Variants in ARAP2 observed in about 807,000 individuals in gnomAD.
The protein encoded by ARAP2 is ArfGAP with RhoGAP domain, ankyrin repeat and PH domain 2, also known as arf-GAP with Rho-GAP domain, ANK repeat and PH domain-containing protein 2.
A neutral mutation model predicts 194.5 loss-of-function variants in ARAP2; 148 were observed. The observed-to-expected ratio is 0.76, with a 90% CI of 0.67 to 0.87. ARAP2 has a LOEUF of 0.87. Ranked by LOEUF, ARAP2 falls within the 40% of genes least tolerant of loss-of-function variation. The probability of loss-of-function intolerance (pLI) is 0.00; values close to 1 mark genes in which losing one functional copy is unlikely to be tolerated. For missense variants in ARAP2, 2,128 were observed against 1,989.7 expected (o/e 1.07, Z -1.32); for synonymous variants, 695 against 683.5 (o/e 1.02, Z -0.26).
At chr4:36,056,584 G>C (rs1723555450) in intron 2 of ARAP2, among the ~76,000 whole-genome samples, 1 of 152,012 alleles carries the variant, frequency 6.6e-6, no homozygotes, top group African/African-American at 2.4e-5. Flanking sequence ...AACATGTATA[G>C]GTTTTCTTGT....
intron 9 of ARAP2, among the ~76,000 whole-genome samples, chr4:36,173,446 A>G (rs1197113590): frequency 2.6e-5 from 4 of 152,312 alleles, no homozygotes; most frequent in Non-Finnish European, 4.4e-5. Context: ...CGGAAGCTCT[A>G]TCAGCTTTGA....
At chr4:36,071,711 T>A (rs1236005423) in intron 32 of ARAP2, among the ~76,000 whole-genome samples, 1 of 151,542 alleles carries the variant, frequency 6.6e-6, no homozygotes, top group Non-Finnish European at 1.5e-5. Flanking sequence ...TCTTTTTTTT[T>A]TATTATACTT....
intron 6 of ARAP2, among the ~76,000 whole-genome samples, chr4:36,017,842 A>G (rs1215190823): frequency 6.6e-6 from 1 of 152,120 alleles, no homozygotes; most frequent in Admixed American, 6.6e-5. Context: ...TGACAAGAAG[A>G]AAGGGTGGAA....
At chr4:36,184,699 T>C (rs1478172430) in intron 8 of ARAP2, among the ~76,000 whole-genome samples, 1 of 152,222 alleles carries the variant, frequency 6.6e-6, no homozygotes, top group Non-Finnish European at 1.5e-5. Flanking sequence ...TTAGTGTGTC[T>C]ATCTTAAAAT....
chr4:36,052,753 A>G (rs1392112945), intron 2 of ARAP2, among the ~76,000 whole-genome samples: 3 of 152,134 alleles, frequency 2.0e-5, no homozygotes, highest in Admixed American at 6.5e-5. Context: ...TCACGAGGTC[A>G]GGAGATCCAG....
intron 26 of ARAP2, among the ~76,000 whole-genome samples, chr4:36,108,890 G>A (rs918899490): frequency 1.3e-5 from 2 of 151,950 alleles, no homozygotes; most frequent in Non-Finnish European, 2.9e-5. Flanking sequence ...CTTTCCTAGT[G>A]TTGTAGCCAT....
At chr4:36,163,531 GA>G (rs201050975) in intron 11 of ARAP2, among the ~76,000 whole-genome samples, 3 of 151,916 alleles carry the variant, frequency 2.0e-5, no homozygotes, top group Non-Finnish European at 4.4e-5. Context: ...TTAAAGGAAT[GA>G]AAAAAAACCT....
intron 1 of ARAP2, among the ~76,000 whole-genome samples, chr4:36,240,280 A>G (rs774924897): frequency 1.2e-4 from 19 of 152,230 alleles, no homozygotes; most frequent in Non-Finnish European, 2.5e-4. Flanking sequence ...CTTGGTTTGA[A>G]TGGAATTCTT....
rs558734790 is a variant in ARAP2 at position 36,101,809 on chromosome 4, C to A, written c.4285+5756G>T. Among the ~76,000 whole-genome samples the A allele has an allele frequency of 1.2e-4, 19 of 152,128 alleles. No individual in the cohort carries two copies. The South Asian group carries it at 2.5e-3, about 20-fold the overall frequency. On this transcript the variant is annotated intron_variant, in intron 27 of 32. Coordinates refer to ENST00000303965, the MANE Select transcript of ARAP2 (RefSeq NM_015230.4). ...GTCTCTTAATATCTAACATGAAATT[C>A]TGTCTCCTATCCTGGGATACTTCTA...
chr4:36,169,558 T>C (rs946981156), intron 9 of ARAP2, among the ~76,000 whole-genome samples: 13 of 149,658 alleles, frequency 8.7e-5, no homozygotes, highest in Non-Finnish European at 1.6e-4. Flanking sequence ...TTTGAGACAG[T>C]CTTGCTCTGT....
intron 2 of ARAP2, among the ~76,000 whole-genome samples, chr4:36,052,643 C>T (rs567085789): frequency 2.6e-5 from 4 of 152,304 alleles, no homozygotes; most frequent in African/African-American, 7.2e-5. Context: ...TTAATGAACA[C>T]CCCAAAATTC....
At chr4:36,131,720 T>C (rs4833119) in intron 20 of ARAP2, among the ~76,000 whole-genome samples, 141,454 of 151,748 alleles carry the variant, frequency 0.93, 66,015 homozygotes, top group African/African-American at 0.98. Context: ...GGCCTTATGC[T>C]ATTATGAAAC....
chr4:36,164,875 G>A lies in ARAP2; in HGVS notation c.2173+39C>T, dbSNP rs749782549. The A allele has an allele frequency of 1.9e-6, 3 of 1,592,202 alleles. No individual in the cohort carries two copies. In the African/African-American group the frequency reaches 4.0e-5, roughly 21 times the overall value. ...AATGAAGAGCATTCAATGCCAATCT[G>A]CCACAAAGCTGTGATGAGCATAACT... On this transcript the variant is annotated intron_variant, in intron 11 of 32. Coordinates refer to ENST00000303965, the MANE Select transcript of ARAP2 (RefSeq NM_015230.4).
downstream of ARAP2, among the ~76,000 whole-genome samples, chr4:36,064,717 G>A (rs1179623235): frequency 6.6e-6 from 1 of 152,200 alleles, no homozygotes; most frequent in South Asian, 2.1e-4. Flanking sequence ...TATCCCTGGA[G>A]TTCTGCAGGC....
intron 1 of ARAP2, among the ~76,000 whole-genome samples, chr4:36,233,715 T>A (rs1437123811): frequency 6.6e-6 from 1 of 152,220 alleles, no homozygotes; most frequent in Non-Finnish European, 1.5e-5. Flanking sequence ...AATGAGATAA[T>A]CCATCATAAG....
chr4:36,016,099 C>T (rs1462418959), intron 6 of ARAP2: 1 of 152,034 alleles, frequency 6.6e-6, no homozygotes, highest in Non-Finnish European at 1.5e-5. Flanking sequence ...AAGCCAAAAA[C>T]TATATAGTAG....
chr4:36,186,230 A>G (rs1740534159), intron 8 of ARAP2, among the ~76,000 whole-genome samples: 1 of 152,234 alleles, frequency 6.6e-6, no homozygotes, highest in Admixed American at 6.5e-5. Context: ...CTAAATTATT[A>G]AAACCAGTGA....
At chr4:36,069,535 A>C (rs1315227700) in intron 32 of ARAP2, among the ~76,000 whole-genome samples, 1 of 152,138 alleles carries the variant, frequency 6.6e-6, no homozygotes, top group Non-Finnish European at 1.5e-5. Flanking sequence ...GTTTATAAAC[A>C]AACTTTAATC....
intron 8 of ARAP2, among the ~76,000 whole-genome samples, chr4:36,181,650 A>G (rs1403659604): frequency 1.3e-5 from 2 of 152,242 alleles, no homozygotes; most frequent in African/African-American, 2.4e-5. Flanking sequence ...AGTAGTGCAC[A>G]TAAGTGTTGT....
Sources: allele counts gnomAD v4.1 joint callset (sites outside exome capture counted in the v4.1 genomes callset), GRCh38; gene constraint gnomAD v4.1.1; transcripts MANE v1.5; gene names NCBI Gene and HGNC (gene_info 2026-07-23, HGNC 2026-07-21).